Variants in NRF1 observed in about 807,000 individuals in gnomAD.
NRF1 encodes nuclear respiratory factor 1, also known as alpha palindromic-binding protein.
In NRF1, 5 loss-of-function variants were observed where a neutral mutation model predicts 58.5. That is an observed-to-expected ratio of 0.09 (90% confidence interval 0.04 to 0.18). The LOEUF (loss-of-function observed/expected upper bound fraction) is 0.18. Among genes scored for constraint, NRF1 ranks in the 10% least tolerant of loss-of-function variants. The pLI is 1.00. For missense variants in NRF1, 288 were observed against 657.7 expected, an observed-to-expected ratio of 0.44 and a Z score of 6.15; for synonymous variants, 224 against 246.7, an observed-to-expected ratio of 0.91 and a Z score of 0.86.
chr7:129,671,659 A>G (rs1401371163), intron 3 of NRF1, 116 bp downstream of exon 3: 2 of 614,100 alleles, frequency 3.3e-6, no homozygotes, highest in African/African-American at 3.7e-5. Flanking sequence ...CCTTGATGAC[A>G]GATGTAGACT....
intron 4 of NRF1, among the ~76,000 whole-genome samples, chr7:129,684,048 C>T (rs1802389436): frequency 6.6e-6 from 1 of 151,924 alleles, no homozygotes; most frequent in Non-Finnish European, 1.5e-5. Context: ...TATTCATTGT[C>T]TTATTTTCAA....
chr7:129,744,274 G>A (rs1304418725), intron 10 of NRF1: 1 of 1,505,454 alleles, frequency 6.6e-7, no homozygotes, highest in Non-Finnish European at 9.0e-7. Flanking sequence ...GGAGGATAGA[G>A]TCACTGTGAG....
At chr7:129,663,646 G>C (rs1396568766) in intron 2 of NRF1, among the ~76,000 whole-genome samples, 1 of 151,314 alleles carries the variant, frequency 6.6e-6, no homozygotes, top group Admixed American at 6.6e-5. Flanking sequence ...TCCCAGACGG[G>C]GCGGGCGGGC....
chr7:129,700,687 G>A (rs992514935), intron 5 of NRF1, among the ~76,000 whole-genome samples: 22 of 152,346 alleles, frequency 1.4e-4, no homozygotes, highest in African/African-American at 5.3e-4. Context: ...GGAGGTCGAG[G>A]TAGGCGGATG....
At chr7:129,674,677 C>G (rs1023600113) in intron 3 of NRF1, among the ~76,000 whole-genome samples, 1 of 152,150 alleles carries the variant, frequency 6.6e-6, no homozygotes, top group Non-Finnish European at 1.5e-5. Context: ...TCAAGCAATC[C>G]TCCCACCTCA....
chr7:129,685,861 C>G (rs939601665), intron 4 of NRF1, among the ~76,000 whole-genome samples: 2 of 151,576 alleles, frequency 1.3e-5, no homozygotes, highest in Admixed American at 1.3e-4. Context: ...GTAATCCCAG[C>G]ACTTTGGGAG....
intron 1 of NRF1, among the ~76,000 whole-genome samples, chr7:129,614,443 T>TTGTGTGTGTGTGTGTGTGTGTGTGTGTG (rs56403369): frequency 1.8e-4 from 26 of 145,852 alleles, no homozygotes; most frequent in African/African-American, 4.9e-4. Flanking sequence ...AAATATGTAT[T>TTGTGTGTGTGTGTGTGTGTGTGTGTGTG]TGTGTGTGTG....
At chr7:129,696,075 A>AC (rs1293065726) in intron 5 of NRF1, among the ~76,000 whole-genome samples, 3 of 143,260 alleles carry the variant, frequency 2.1e-5, no homozygotes, top group Non-Finnish European at 4.5e-5. Flanking sequence ...AAAAAAAAAA[A>AC]AAAAAAAAAA....
chr7:129,726,517 G>A lies in NRF1; in HGVS notation c.1224-724G>A, dbSNP rs79837763. Among the ~76,000 whole-genome samples the A allele has an allele frequency of 8.1e-3, 1,229 of 152,272 alleles. 54 individuals are homozygous for A. The highest frequency in any genetic ancestry group is 0.066 in the East Asian group (343 of 5,186). On this transcript the variant is annotated intron_variant, in intron 9 of 10. Transcript: ENST00000393232. ...TCTTCCTATTCTACAGAGCATTTGT[G>A]CTATGTAGGGAGGTTTATTATTTTG...
intron 9 of NRF1, among the ~76,000 whole-genome samples, chr7:129,726,746 G>A (rs1803460082): frequency 6.6e-6 from 1 of 152,198 alleles, no homozygotes; most frequent in South Asian, 2.1e-4. Flanking sequence ...ATTGAAGAGT[G>A]AGTCCAGGTT....
intron 5 of NRF1, among the ~76,000 whole-genome samples, chr7:129,708,307 T>A (rs959769090): frequency 6.6e-6 from 1 of 152,252 alleles, no homozygotes; most frequent in Admixed American, 6.5e-5. Context: ...GTGGTTACTA[T>A]GCCAGGAAAT....
At chr7:129,710,101 T>G (rs1323182396) in intron 6 of NRF1, among the ~76,000 whole-genome samples, 1 of 152,192 alleles carries the variant, frequency 6.6e-6, no homozygotes, top group Non-Finnish European at 1.5e-5. Flanking sequence ...CAGAATAATC[T>G]TTCTTTGCAA....
intron 5 of NRF1, among the ~76,000 whole-genome samples, chr7:129,691,852 C>T (rs1390707710): frequency 1.3e-5 from 2 of 152,070 alleles, no homozygotes; most frequent in Non-Finnish European, 2.9e-5. Context: ...TCTGGGGCCC[C>T]TCTTCCTCTT....
chr7:129,658,532 A>G (rs1801709495), intron 2 of NRF1, among the ~76,000 whole-genome samples: 1 of 151,412 alleles, frequency 6.6e-6, no homozygotes, highest in Non-Finnish European at 1.5e-5. Flanking sequence ...TTGAGGGTGC[A>G]GTGAGCTATG....
At chr7:129,733,529 A>C (rs1412068181) in intron 10 of NRF1, among the ~76,000 whole-genome samples, 4 of 151,994 alleles carry the variant, frequency 2.6e-5, no homozygotes, top group African/African-American at 9.7e-5. Context: ...ACAAGCCTTT[A>C]AACAGAACCA....
intron 1 of NRF1, among the ~76,000 whole-genome samples, chr7:129,651,443 A>G (rs917887706): frequency 8.8e-6 from 1 of 113,728 alleles, no homozygotes. Flanking sequence ...AAATGGTTAG[A>G]GAGGCCAAAG....
At chr7:129,686,814 G>C (rs922274724) in intron 4 of NRF1, among the ~76,000 whole-genome samples, 3 of 152,216 alleles carry the variant, frequency 2.0e-5, no homozygotes, top group Non-Finnish European at 2.9e-5. Flanking sequence ...TGACAAAGGC[G>C]TAAGCTATGG....
intron 9 of NRF1, among the ~76,000 whole-genome samples, chr7:129,723,390 C>G (rs556815336): frequency 6.6e-6 from 1 of 151,698 alleles, no homozygotes; most frequent in South Asian, 2.1e-4. Flanking sequence ...TTGCGGTGAG[C>G]CAAGATCATG....
intron 1 of NRF1, chr7:129,641,633 T>C (rs561885178): frequency 1.2e-4 from 19 of 152,338 alleles, no homozygotes; most frequent in African/African-American, 4.6e-4. Context: ...TTTTAAAAGC[T>C]AAGGAAATAA....
Sources: gnomAD v4.1 joint callset for allele counts (sites outside exome capture counted in the v4.1 genomes callset) on GRCh38, gnomAD v4.1.1 for gene constraint, MANE v1.5 for transcripts, NCBI Gene and HGNC (gene_info 2026-07-23, HGNC 2026-07-21) for gene names.